The following CUL3 variants were observed in gnomAD, a reference collection of about 807,000 sequenced individuals.
CUL3 encodes cullin 3.
CUL3 carries 19 observed loss-of-function variants against 89.1 expected under a neutral mutation model. The ratio of observed to expected loss-of-function variants is 0.21; its 90% confidence interval spans 0.15 to 0.31. CUL3 has a LOEUF of 0.31. Ranked by LOEUF, CUL3 falls within the 10% of genes least tolerant of loss-of-function variation. CUL3 has a pLI of 1.00. For missense variants in CUL3, 469 were observed against 942.3 expected, an observed-to-expected ratio of 0.50 and a Z score of 6.58; for synonymous variants, 351 against 308.4, an observed-to-expected ratio of 1.14 and a Z score of -1.45.
chr2:224,553,691 G>A (rs999037531), intron 2 of CUL3, among the ~76,000 whole-genome samples: 5 of 152,138 alleles, frequency 3.3e-5, no homozygotes, highest in Non-Finnish European at 7.4e-5. Context: ...AGATACATGA[G>A]AGACATGACC....
intron 3 of CUL3, among the ~76,000 whole-genome samples, 168 bp downstream of exon 3, chr2:224,535,360 G>A (rs956151919): frequency 1.3e-5 from 2 of 152,170 alleles, no homozygotes; most frequent in Admixed American, 1.3e-4. Flanking sequence ...AGTAGAGACA[G>A]GGTTTTGCCA....
intron 3 of CUL3, among the ~76,000 whole-genome samples, chr2:224,518,128 A>C (rs756357133): frequency 1.1e-4 from 16 of 152,218 alleles, no homozygotes; most frequent in Non-Finnish European, 1.6e-4. Context: ...TGCAGCTAGA[A>C]TAGAAAGTAC....
intron 15 of CUL3, among the ~76,000 whole-genome samples, chr2:224,474,839 C>T (rs6436491): frequency 0.99 from 151,461 of 152,294 alleles, 75,319 homozygotes; most frequent in Middle Eastern, 1. Context: ...ACAGATGTAA[C>T]GCCTTAGAAT....
At chr2:224,532,373 G>A (rs953747022) in intron 3 of CUL3, among the ~76,000 whole-genome samples, 1 of 151,814 alleles carries the variant, frequency 6.6e-6, no homozygotes, top group African/African-American at 2.4e-5. Context: ...AGGTAGGTAG[G>A]AGGCATACAA....
chr2:224,524,718 G>C (rs1298820763), intron 3 of CUL3, among the ~76,000 whole-genome samples: 1 of 151,994 alleles, frequency 6.6e-6, no homozygotes, highest in African/African-American at 2.4e-5. Context: ...GTATCATGCA[G>C]GGCCTCCACA....
intron 2 of CUL3, among the ~76,000 whole-genome samples, chr2:224,548,288 C>T (rs1013015547): frequency 6.6e-6 from 1 of 152,158 alleles, no homozygotes; most frequent in Non-Finnish European, 1.5e-5. Context: ...CACACCAGAG[C>T]CTTGCTCAAC....
rs546177976 is a variant in CUL3, at chr2:224,572,543, C to T, written c.66+12401G>A. On this transcript the variant is annotated intron_variant, in intron 1 of 15. Transcript: ENST00000264414. Reference sequence around the variant, plus strand: ...GTCGTCCCAGCTACCCAGGAGGCTGCGGTGAAAGAATCCATTAGGCCCTGG... The same window carrying T: ...GTCGTCCCAGCTACCCAGGAGGCTGTGGTGAAAGAATCCATTAGGCCCTGG... Among the ~76,000 whole-genome samples the T allele has an allele frequency of 3.4e-4, 48 of 142,252 alleles. No individual in the cohort carries two copies. The South Asian group carries it at 8.8e-3, about 26-fold the overall frequency. The allele number at this position is 142,252 out of a possible 152,430, so 93.3% of individuals were successfully genotyped here. A position where few individuals can be genotyped will look rare whatever the true frequency, so the allele number is the denominator to read the frequency against.
Position 224,472,633 on chromosome 2 carries a change from A to T in CUL3, c.*1612T>A. ...TTAATTGCATCATGTAGAAGTGGAA[A>T]ATGTAGAGATAAAGAGCACAAGGCT... is the stretch of plus-strand genomic sequence containing the variant. On this transcript the variant is annotated 3_prime_UTR_variant, in exon 16 of 16. Transcript: ENST00000264414. The T allele has an allele frequency of 5.3e-6, 1 of 190,244 alleles. No homozygotes were observed. 11.8% of individuals were successfully genotyped at this position (190,244 alleles called of 1,614,324 possible).
At chr2:224,501,544 T>C (rs765759318) in intron 10 of CUL3, among the ~76,000 whole-genome samples, 2 of 152,264 alleles carry the variant, frequency 1.3e-5, no homozygotes, top group Middle Eastern at 3.2e-3. Flanking sequence ...CTCAATGATT[T>C]AGTAATGTAA....
intron 1 of CUL3, chr2:224,563,276 T>C (rs1486824231): frequency 2.1e-6 from 1 of 470,996 alleles, no homozygotes; most frequent in African/African-American, 2.0e-5. Flanking sequence ...ATTTAAATCA[T>C]TTTCACCCTG....
chr2:224,510,792 G>A (rs922797384), intron 6 of CUL3, among the ~76,000 whole-genome samples: 1 of 152,110 alleles, frequency 6.6e-6, no homozygotes, highest in Admixed American at 6.5e-5. Flanking sequence ...TCTCAAAAAT[G>A]TTCTTTACTT....
intron 1 of CUL3, among the ~76,000 whole-genome samples, chr2:224,584,517 C>A (rs551102523): frequency 2.0e-5 from 3 of 152,072 alleles, no homozygotes; most frequent in Admixed American, 2.0e-4. Context: ...AAAAGCTAGG[C>A]TGGGTAAATT....
chr2:224,557,591 T>C, intron 2 of CUL3, 68 bp downstream of exon 2: 1 of 1,104,040 alleles, frequency 9.1e-7, no homozygotes, highest in East Asian at 2.4e-5. Flanking sequence ...CCGGTCAAAG[T>C]GCAATATGGT....
At chr2:224,578,162 T>G (rs996528125) in intron 1 of CUL3, among the ~76,000 whole-genome samples, 2 of 152,194 alleles carry the variant, frequency 1.3e-5, no homozygotes, top group Non-Finnish European at 1.5e-5. Context: ...TAATCATAGA[T>G]GGACTCAAAT....
At chr2:224,546,379 C>T (rs1694299756) in intron 2 of CUL3, among the ~76,000 whole-genome samples, 1 of 152,000 alleles carries the variant, frequency 6.6e-6, no homozygotes, top group African/African-American at 2.4e-5. Flanking sequence ...GCATATAGCC[C>T]GATAATCACC....
At position 224,477,008 on chromosome 2, in the gene CUL3, T is replaced by C. The variant is rs190120717; in HGVS notation, c.2175+1192A>G. 5.2e-4 allele frequency among the ~76,000 whole-genome samples: 79 copies of C among 152,344 alleles called. 1 individual carries two copies. Among genetic ancestry groups the C allele is most frequent in the Admixed American group, 4.4e-3 (68 of 15,310 alleles). ...CTTTCACGAGTCCAATGAAAATGTCTGAGAAAGTTAACCTGTCACGTAATT... is the reference window on the plus strand; with the variant it reads ...CTTTCACGAGTCCAATGAAAATGTCCGAGAAAGTTAACCTGTCACGTAATT... On this transcript the variant is annotated intron_variant, in intron 15 of 15. Coordinates refer to ENST00000264414, the MANE Select transcript of CUL3 (RefSeq NM_003590.5).
Position 224,498,389 on chromosome 2 carries a change from C to CTATCCA in CUL3, c.1611-546_1611-541dup, listed in dbSNP as rs570073911. On this transcript the variant is annotated intron_variant, in intron 11 of 15. Transcript: ENST00000264414. ...ATTTTTATATTTATGTTTTTTGTCA[C>CTATCCA]TATCCACACCATATTTTTTCCAAAG... 3.1e-3 allele frequency among the ~76,000 whole-genome samples: 467 copies of CTATCCA among 152,212 alleles called. 2 individuals carry two copies. The highest frequency in any genetic ancestry group is 0.011 in the African/African-American group (439 of 41,548).
intron 13 of CUL3, among the ~76,000 whole-genome samples, chr2:224,493,152 G>A (rs1692047221): frequency 6.6e-6 from 1 of 152,116 alleles, no homozygotes; most frequent in Admixed American, 6.5e-5. Flanking sequence ...ACAGAAACGA[G>A]AGATAATAAA....
rs147271388 is a variant in CUL3 at position 224,474,474 on chromosome 2, T to TAGTAA, written c.2176-99_2176-98insTTACT. The TAGTAA allele has an allele frequency of 0.011, 10,828 of 951,654 alleles. 406 individuals carry two copies. The East Asian group carries it at 0.12, about 10-fold the overall frequency. The allele number at this position is 951,654 out of a possible 1,614,324, so 59.0% of individuals were successfully genotyped here. The stretch of plus-strand genomic sequence containing the variant: ...CATTTTAACACTCAGAGACTGAACT[T>TAGTAA]TACTAACTGGATTACCAAAGATAAA... On this transcript the variant is annotated intron_variant, in intron 15 of 15. Coordinates refer to ENST00000264414, the MANE Select transcript of CUL3 (RefSeq NM_003590.5).
Sources: allele counts gnomAD v4.1 joint callset (sites outside exome capture counted in the v4.1 genomes callset), GRCh38; gene constraint gnomAD v4.1.1; transcripts MANE v1.5; gene names NCBI Gene and HGNC (gene_info 2026-07-23, HGNC 2026-07-21).